TNS3: variants seen among roughly 807,000 people sequenced by gnomAD.
TNS3 encodes the protein tensin 3, also known as tensin-3.
In TNS3, 45 loss-of-function variants were observed where a neutral mutation model predicts 140.9. That is an observed-to-expected ratio of 0.32 (90% confidence interval 0.25 to 0.41). TNS3 has a LOEUF of 0.41. TNS3 is among the 10% of genes least tolerant of loss of function. The pLI is 1.00. For missense variants in TNS3, 1,716 were observed against 1,906.7 expected (o/e 0.90, Z 1.86); for synonymous variants, 815 against 788.4 (o/e 1.03, Z -0.56).
At chr7:47,315,395 C>G (rs1787339694) in intron 20 of TNS3, among the ~76,000 whole-genome samples, 1 of 152,206 alleles carries the variant, frequency 6.6e-6, no homozygotes, top group Non-Finnish European at 1.5e-5. Context: ...GGCGCGTGCC[C>G]GTCGTTCTGG....
At chr7:47,567,478 A>T (rs1470617824) in intron 1 of TNS3, among the ~76,000 whole-genome samples, 1 of 152,014 alleles carries the variant, frequency 6.6e-6, no homozygotes, top group Non-Finnish European at 1.5e-5. Flanking sequence ...AGGTCAGGAA[A>T]TCGAGACCAT....
intron 4 of TNS3, among the ~76,000 whole-genome samples, chr7:47,465,816 C>G (rs1198144675): frequency 1.3e-5 from 2 of 151,828 alleles, no homozygotes; most frequent in African/African-American, 2.4e-5. Context: ...CCCAGCTATT[C>G]AGGAGGCTGA....
intron 2 of TNS3, among the ~76,000 whole-genome samples, chr7:47,521,755 G>T (rs1798988322): frequency 6.6e-6 from 1 of 152,138 alleles, no homozygotes; most frequent in African/African-American, 2.4e-5. Context: ...GCACCTGGGG[G>T]AGTCAGGAGA....
chr7:47,283,637 A>C, intron 28 of TNS3, 60 bp downstream of exon 28: 9 of 1,448,986 alleles, frequency 6.2e-6, no homozygotes, highest in Non-Finnish European at 6.4e-6. Flanking sequence ...AGGGAAGAAC[A>C]AGAGGAACGT....
chr7:47,494,966 A>G (rs967267504), intron 3 of TNS3, among the ~76,000 whole-genome samples: 2 of 152,140 alleles, frequency 1.3e-5, no homozygotes, highest in Non-Finnish European at 2.9e-5. Flanking sequence ...TGGCTGAAAA[A>G]AAGAAGAAAT....
chr7:47,447,772 C>A (rs1471344187), intron 4 of TNS3, among the ~76,000 whole-genome samples: 1 of 152,182 alleles, frequency 6.6e-6, no homozygotes, highest in African/African-American at 2.4e-5. Context: ...CCCACAGCGC[C>A]CCACCCCACC....
At chr7:47,299,801 C>T (rs987310710) in intron 23 of TNS3, among the ~76,000 whole-genome samples, 5 of 152,152 alleles carry the variant, frequency 3.3e-5, no homozygotes, top group African/African-American at 1.2e-4. Context: ...GAAAAACGAG[C>T]GTCCACACAC....
intron 2 of TNS3, among the ~76,000 whole-genome samples, chr7:47,509,902 G>T (rs1043425236): frequency 6.6e-6 from 1 of 152,184 alleles, no homozygotes. Flanking sequence ...CTCCCGATGG[G>T]CTGCAAGCTC....
At chr7:47,577,748 G>A (rs1372143252) in intron 1 of TNS3, among the ~76,000 whole-genome samples, 1 of 152,186 alleles carries the variant, frequency 6.6e-6, no homozygotes, top group African/African-American at 2.4e-5. Context: ...GTAGTAAAAG[G>A]AAGGGGGTCT....
intron 1 of TNS3, among the ~76,000 whole-genome samples, chr7:47,570,125 G>A (rs1800520304): frequency 6.6e-6 from 1 of 152,266 alleles, no homozygotes; most frequent in Non-Finnish European, 1.5e-5. Context: ...ACTCCAGCCT[G>A]GGCGACAAGA....
intron 23 of TNS3, among the ~76,000 whole-genome samples, chr7:47,301,614 T>G (rs560919633): frequency 6.2e-4 from 91 of 146,846 alleles, no homozygotes; most frequent in Admixed American, 1.3e-3. Flanking sequence ...CAAAAATTAG[T>G]ATTAATGATT....
At chr7:47,575,343 T>TA (rs1456620934) in intron 1 of TNS3, among the ~76,000 whole-genome samples, 2 of 152,250 alleles carry the variant, frequency 1.3e-5, no homozygotes, top group African/African-American at 4.8e-5. Context: ...CTTGGTAAAT[T>TA]AAAAAAGCAC....
chr7:47,368,551 T>G lies in TNS3; in HGVS notation c.2095A>C (p.Ile699Leu), dbSNP rs375273859. The G allele has an allele frequency of 2.5e-6, 4 of 1,575,778 alleles. No individual in the cohort carries two copies. Among genetic ancestry groups the G allele is most frequent in the Non-Finnish European group, 1.7e-6 (2 of 1,156,274 alleles). ...AGGATCAGCCTGTTGAGCTGCTCGA[T>G]GGACTGGTCGATGTCCAGGGTGGGC... ...GSPTLDIDQS[I>L]EQLNRLILEL... is the part of the protein sequence containing the mutation. Residue 699 changes from isoleucine (I) to leucine (L), a missense_variant, in exon 17 of 31, where the codon ATC (isoleucine) becomes CTC (leucine). By Grantham distance (5) the Ile-to-Leu change is conservative. This residue lies in a region of TNS3 where 1,163 missense variants were observed against 1,182.1 expected (regional missense o/e 0.98). Coordinates refer to ENST00000311160, the MANE Select transcript of TNS3 (RefSeq NM_022748.12).
chr7:47,397,984 C>T (rs1400356159), intron 15 of TNS3, among the ~76,000 whole-genome samples: 6 of 151,924 alleles, frequency 3.9e-5, no homozygotes, highest in East Asian at 1.9e-4. Context: ...AGAAATGAAA[C>T]GAAACATTAC....
chr7:47,476,368 C>T (rs1004972387), intron 4 of TNS3, among the ~76,000 whole-genome samples: 2 of 152,156 alleles, frequency 1.3e-5, no homozygotes, highest in South Asian at 2.1e-4. Flanking sequence ...TACACATACA[C>T]GTAGACTTAC....
intron 4 of TNS3, among the ~76,000 whole-genome samples, chr7:47,454,337 C>T (rs1796156844): frequency 6.6e-6 from 1 of 152,198 alleles, no homozygotes; most frequent in African/African-American, 2.4e-5. Context: ...ATAGGACCAC[C>T]TGTCCCTTTA....
At chr7:47,545,329 AG>A (rs1799892686) in intron 1 of TNS3, among the ~76,000 whole-genome samples, 1 of 152,034 alleles carries the variant, frequency 6.6e-6, no homozygotes. Context: ...TAGTAGAGAC[AG>A]GGTTTCACCA....
At position 47,455,257 on chromosome 7, in the gene TNS3, AC is replaced by A. The variant is rs567897257; in HGVS notation, c.-75-13203del. 2.3e-4 allele frequency among the ~76,000 whole-genome samples: 35 copies of A among 151,974 alleles called. No individual in the cohort carries two copies. The South Asian group carries it at 5.6e-3, about 24-fold the overall frequency. On this transcript the variant is annotated intron_variant, in intron 4 of 30. Transcript: ENST00000311160. ...GCTGAGGGAAGGGCCTAATTCACCC[AC>A]CCCAGCCTGGCCAACTCTGATGGGC... is the stretch of plus-strand genomic sequence containing the variant.
At chr7:47,522,738 C>T (rs1014634107) in intron 2 of TNS3, among the ~76,000 whole-genome samples, 4 of 152,080 alleles carry the variant, frequency 2.6e-5, no homozygotes, top group Non-Finnish European at 4.4e-5. Flanking sequence ...ACCATCCTGG[C>T]TAACATGGTG....
Sources: allele counts gnomAD v4.1 joint callset (sites outside exome capture counted in the v4.1 genomes callset), GRCh38; gene constraint gnomAD v4.1.1; regional missense constraint gnomAD v4.1.1; transcripts MANE v1.5; gene names NCBI Gene and HGNC (gene_info 2026-07-23, HGNC 2026-07-21).